The following KY variants were observed in gnomAD, a reference collection of about 807,000 sequenced individuals.
KY encodes kyphoscoliosis peptidase.
In KY, 43 loss-of-function variants were observed where a neutral mutation model predicts 76.1. That is an observed-to-expected ratio of 0.57 (90% CI 0.44 to 0.73). The LOEUF (loss-of-function observed/expected upper bound fraction) is 0.73. Among genes scored for constraint, KY ranks in the 30% least tolerant of loss-of-function variants. The pLI, the probability that KY is intolerant of heterozygous loss-of-function variation, is 0.00. For missense variants in KY, 722 were observed against 828.9 expected, an observed-to-expected ratio of 0.87 and a Z score of 1.58; for synonymous variants, 277 against 326.2, an observed-to-expected ratio of 0.85 and a Z score of 1.63.
chr3:134,607,501 G>A (rs1959404425), intron 10 of KY: 1 of 985,714 alleles, frequency 1.0e-6, no homozygotes, highest in East Asian at 1.1e-4. Context: ...GGCAGAGACG[G>A]TGCCACCAGG....
At chr3:134,626,727 A>G (rs1477463067) in intron 5 of KY, among the ~76,000 whole-genome samples, 1 of 152,180 alleles carries the variant, frequency 6.6e-6, no homozygotes, top group Non-Finnish European at 1.5e-5. Flanking sequence ...TTGAGAGGCA[A>G]TGCCCACTTA....
intron 5 of KY, among the ~76,000 whole-genome samples, chr3:134,626,618 A>G (rs1344402407): frequency 6.6e-6 from 1 of 152,124 alleles, no homozygotes; most frequent in Non-Finnish European, 1.5e-5. Context: ...ATCTGGTGCT[A>G]TTAGACCTGA....
At chr3:134,647,241 A>G (rs1966547434) in intron 2 of KY, among the ~76,000 whole-genome samples, 194 bp downstream of exon 2, 1 of 152,158 alleles carries the variant, frequency 6.6e-6, no homozygotes, top group African/African-American at 2.4e-5. Context: ...CCTCCAGGAG[A>G]GCAGGGGACC....
chr3:134,608,542 G>A lies in KY; in HGVS notation c.1090+107C>T, dbSNP rs752132028. ...TTTGTGCTAAGCTCACAAGCCATGC[G>A]TCTGGAAGGGCATGCCTTGAAAGCG... On this transcript the variant is annotated intron_variant, in intron 10 of 10. Transcript: ENST00000423778. 6.9e-5 allele frequency: 110 copies of A among 1,604,822 alleles called. No homozygotes were observed. The highest frequency in any genetic ancestry group is 3.3e-4 in the Middle Eastern group (2 of 6,052).
intron 8 of KY, chr3:134,615,304 C>G (rs573761209): frequency 7.0e-6 from 1 of 142,722 alleles, no homozygotes; most frequent in Non-Finnish European, 1.5e-5. Flanking sequence ...AGCCAGTGGC[C>G]GGAGCAGCAG....
In KY at chr3:134,650,824, C is replaced by T. The variant is rs755234709; in HGVS notation, c.136+1G>A. On this transcript the variant is annotated splice_donor_variant, in intron 1 of 10. Transcript: ENST00000423778. LOFTEE classifies it high-confidence loss of function. Reference sequence around the variant, plus strand: ...GGGGACCCGGGTCGGGCGCGCGTTACCTCCTCCGCGCTGCAGCAGCGAGCT... The same window carrying T: ...GGGGACCCGGGTCGGGCGCGCGTTATCTCCTCCGCGCTGCAGCAGCGAGCT... 5.7e-6 allele frequency: 9 copies of T among 1,584,134 alleles called. No individual in the cohort carries two copies. Among genetic ancestry groups the T allele is most frequent in the Non-Finnish European group, 7.7e-6 (9 of 1,163,062 alleles).
At chr3:134,635,586 A>G (rs1244196453) in intron 3 of KY, among the ~76,000 whole-genome samples, 1 of 151,554 alleles carries the variant, frequency 6.6e-6, no homozygotes, top group Non-Finnish European at 1.5e-5. Context: ...ATAATTTTAA[A>G]GAGGGAAATA....
At chr3:134,619,291 A>G in intron 7 of KY, 26 bp from the exon 8 acceptor site, 1 of 1,571,214 alleles carries the variant, frequency 6.4e-7, no homozygotes, top group Admixed American at 1.7e-5. Context: ...GGGGATCATG[A>G]AGAGCTTGAG....
At chr3:134,621,040 G>A (rs540219927) in intron 6 of KY, among the ~76,000 whole-genome samples, 183 bp from the exon 7 acceptor site, 1 of 152,300 alleles carries the variant, frequency 6.6e-6, no homozygotes, top group South Asian at 2.1e-4. Flanking sequence ...GACAGGGCAG[G>A]TGGTGCTGAC....
At chr3:134,609,660 G>A (rs375859277) in intron 9 of KY, among the ~76,000 whole-genome samples, 4 of 152,186 alleles carry the variant, frequency 2.6e-5, no homozygotes, top group South Asian at 4.1e-4. Context: ...TCTGCACCCC[G>A]GCTGCCCTGC....
chr3:134,641,541 C>A (rs1577799783), intron 3 of KY, among the ~76,000 whole-genome samples: 1 of 152,138 alleles, frequency 6.6e-6, no homozygotes. Flanking sequence ...AATGAATGCA[C>A]CCCTAGAGCC....
chr3:134,613,984 C>T lies in KY; in HGVS notation c.711-3601G>A, dbSNP rs971379316. Among the ~76,000 whole-genome samples, 17 of 152,072 alleles carry T rather than the reference C, an allele frequency of 1.1e-4. 1 individual carries two copies. The highest frequency in any genetic ancestry group is 2.2e-4 in the African/African-American group (9 of 41,400). On this transcript the variant is annotated intron_variant, in intron 8 of 10. Transcript: ENST00000423778. ...TATAACATGACATGGCACCATACAA[C>T]GCAACACAATGTAACAACATAAAAA...
chr3:134,639,129 G>GT (rs1292545371), intron 3 of KY, among the ~76,000 whole-genome samples: 1 of 138,634 alleles, frequency 7.2e-6, no homozygotes, highest in Non-Finnish European at 1.5e-5. Context: ...AGCATTGGTA[G>GT]TTTAAAAAAA....
At position 134,608,754 on chromosome 3, in the gene KY, G is replaced by C. The variant is rs758059434; in HGVS notation, c.985C>G (p.Pro329Ala). Residue 329 changes from proline to alanine, a missense_variant, in exon 10 of 11, where the codon CCT (proline) becomes GCT (alanine). Transcript: ENST00000423778. ...TCAAACTGCCTCAGAGATTGAGGAGGTTTTAGCAGCTGCCAGTTCTTGTTG... is the reference window on the plus strand; with the variant it reads ...TCAAACTGCCTCAGAGATTGAGGAGCTTTTAGCAGCTGCCAGTTCTTGTTG... ...PDNKNWQLLK[P>A]PQSLRQFENN... 1.2e-6 allele frequency: 2 copies of C among 1,614,028 alleles called. No homozygotes were observed. The highest frequency in any genetic ancestry group is 2.2e-5 in the South Asian group (2 of 91,084).
At chr3:134,608,479 C>T (rs764244654) in intron 10 of KY, 170 bp downstream of exon 10, 1 of 1,536,060 alleles carries the variant, frequency 6.5e-7, no homozygotes, top group Non-Finnish European at 8.7e-7. Context: ...GCCTGGGCTG[C>T]CTCAGCAGCC....
At chr3:134,644,459 C>T (rs1383114240) in intron 2 of KY, among the ~76,000 whole-genome samples, 1 of 152,180 alleles carries the variant, frequency 6.6e-6, no homozygotes, top group Non-Finnish European at 1.5e-5. Context: ...TGAAGCTGCC[C>T]TTGAACCTCT....
In KY at chr3:134,602,301, C is replaced by T. The variant is rs887397375; in HGVS notation, c.*1278G>A. Reference sequence around the variant, plus strand: ...AGCCTTTCCTCCGTTGCCATGGCAACGGCAGCCTGAGGCGCTGCTGAGGGC... The same window carrying T: ...AGCCTTTCCTCCGTTGCCATGGCAATGGCAGCCTGAGGCGCTGCTGAGGGC... On this transcript the variant is annotated 3_prime_UTR_variant, in exon 11 of 11. Transcript: ENST00000423778. Among the ~76,000 whole-genome samples, 3 of 152,108 alleles carry T rather than the reference C, an allele frequency of 2.0e-5. No homozygotes were observed. The highest frequency in any genetic ancestry group is 2.9e-5 in the Non-Finnish European group (2 of 68,008).
At chr3:134,620,925 C>G in intron 6 of KY, 68 bp from the exon 7 acceptor site, 1 of 906,366 alleles carries the variant, frequency 1.1e-6, no homozygotes, top group Non-Finnish European at 1.8e-6. Context: ...CAGCATCTTG[C>G]ACCTACAGCC....
chr3:134,610,252 A>G lies in KY; in HGVS notation c.842T>C (p.Val281Ala). The change falls in exon 9 of 11, where the codon GTG becomes GCG. Residue 281 changes from valine to alanine, a missense_variant. Transcript: ENST00000423778. ...CAGGCCGCTGCCCCAGGTGCTGTCCACCAGGTGCCATCTTCCCTCCAGGTA... is the reference window on the plus strand; with the variant it reads ...CAGGCCGCTGCCCCAGGTGCTGTCCGCCAGGTGCCATCTTCCCTCCAGGTA... The part of the protein sequence containing the change: ...AVYLEGRWHL[V>A]DSTWGSGLVD... The G allele has an allele frequency of 1.9e-6, 3 of 1,613,946 alleles. No homozygotes were observed. The highest frequency in any genetic ancestry group is 2.5e-6 in the Non-Finnish European group (3 of 1,179,878).
Sources: allele counts gnomAD v4.1 joint callset (sites outside exome capture counted in the v4.1 genomes callset), GRCh38; gene constraint gnomAD v4.1.1; transcripts MANE v1.5; gene names NCBI Gene and HGNC (gene_info 2026-07-23, HGNC 2026-07-21).